The following CDH18 variants were observed in gnomAD, a reference collection of about 807,000 sequenced individuals.
CDH18 encodes cadherin 18, also known as cadherin-18.
Under a neutral mutation model 67.9 loss-of-function variants are expected in CDH18, and 31 were observed. That is an observed-to-expected ratio of 0.46 (90% CI 0.34 to 0.62). The LOEUF is 0.62. CDH18 is among the 20% of genes least tolerant of loss of function. CDH18 has a pLI of 0.01. For missense variants in CDH18, 890 were observed against 975.5 expected, an observed-to-expected ratio of 0.91 and a Z score of 1.17; for synonymous variants, 362 against 347.2, an observed-to-expected ratio of 1.04 and a Z score of -0.48.
intron 1 of CDH18, among the ~76,000 whole-genome samples, chr5:20,538,903 TTTTTTG>T (rs1210483295): frequency 0.01 from 1,345 of 129,174 alleles, 14 homozygotes; most frequent in African/African-American, 0.041. Flanking sequence ...CAACTGTTTT[TTTTTTG>T]TTTTTTTTTT....
intron 5 of CDH18, among the ~76,000 whole-genome samples, chr5:19,665,114 G>A (rs1401632430): frequency 6.6e-6 from 1 of 151,644 alleles, no homozygotes; most frequent in Non-Finnish European, 1.5e-5. Flanking sequence ...AAAATGTTTA[G>A]AAAAAAATTA....
intron 10 of CDH18, 150 bp downstream of exon 10, chr5:19,520,507 T>C: frequency 1.6e-6 from 1 of 621,790 alleles, no homozygotes. Flanking sequence ...CCAAAAATTA[T>C]TTGGTACTTA....
At chr5:19,526,155 C>A (rs551200461) in intron 9 of CDH18, among the ~76,000 whole-genome samples, 8 of 152,116 alleles carry the variant, frequency 5.3e-5, no homozygotes, top group African/African-American at 1.9e-4. Flanking sequence ...TTTTGAGAAA[C>A]AATTAACGGT....
At chr5:19,973,549 AG>A (rs1330982680) in intron 2 of CDH18, among the ~76,000 whole-genome samples, 1 of 152,180 alleles carries the variant, frequency 6.6e-6, no homozygotes, top group Non-Finnish European at 1.5e-5. Context: ...GTGAGAAAAA[AG>A]GAAAGGAATA....
chr5:20,555,446 T>TTTTTC (rs754106341), intron 1 of CDH18, among the ~76,000 whole-genome samples: 1 of 107,490 alleles, frequency 9.3e-6, no homozygotes, highest in African/African-American at 4.5e-5. Context: ...TTTTTTTTTT[T>TTTTTC]TTTTCTTTTT....
upstream of CDH18, among the ~76,000 whole-genome samples, chr5:19,990,916 A>T (rs566914596): frequency 1.4e-4 from 21 of 152,328 alleles, no homozygotes; most frequent in South Asian, 4.4e-3. Context: ...ACAGTGTATC[A>T]ATCACCAGAA....
At chr5:19,670,705 A>T (rs1758624144) in intron 5 of CDH18, among the ~76,000 whole-genome samples, 1 of 152,114 alleles carries the variant, frequency 6.6e-6, no homozygotes, top group African/African-American at 2.4e-5. Context: ...ACCAGGTAAG[A>T]TGAATTCAGG....
At chr5:19,631,836 C>A (rs1242230701) in intron 5 of CDH18, among the ~76,000 whole-genome samples, 2 of 152,046 alleles carry the variant, frequency 1.3e-5, no homozygotes, top group Non-Finnish European at 2.9e-5. Context: ...TTTTACTTGG[C>A]AATTCCACTT....
At chr5:20,165,410 T>G (rs1271532974) in intron 2 of CDH18, among the ~76,000 whole-genome samples, 1 of 152,102 alleles carries the variant, frequency 6.6e-6, no homozygotes. Context: ...CGGATAACTT[T>G]ACTAACAATC....
At chr5:20,212,846 C>T in intron 2 of CDH18, among the ~76,000 whole-genome samples, 1 of 152,038 alleles carries the variant, frequency 6.6e-6, no homozygotes, top group East Asian at 1.9e-4. Context: ...TAGATTTTGC[C>T]TTAAGGGAAT....
intron 1 of CDH18, among the ~76,000 whole-genome samples, chr5:20,288,860 ATACC>A (rs1485415954): frequency 1.3e-5 from 2 of 151,986 alleles, no homozygotes; most frequent in African/African-American, 4.8e-5. Context: ...TATTTTTAAA[ATACC>A]TACAGTTAAG....
intron 2 of CDH18, among the ~76,000 whole-genome samples, chr5:20,076,101 AT>A (rs1312928980): frequency 6.6e-6 from 1 of 152,168 alleles, no homozygotes; most frequent in Non-Finnish European, 1.5e-5. Flanking sequence ...ATAAATAAAA[AT>A]ATCTAAAACT....
chr5:19,745,944 T>C (rs1289671339), intron 4 of CDH18, among the ~76,000 whole-genome samples: 2 of 151,944 alleles, frequency 1.3e-5, no homozygotes, highest in Admixed American at 1.3e-4. Context: ...CACATATATA[T>C]ATTTCAAATT....
chr5:20,185,046 C>T (rs767456753), intron 2 of CDH18, among the ~76,000 whole-genome samples: 7 of 151,996 alleles, frequency 4.6e-5, no homozygotes, highest in Non-Finnish European at 4.4e-5. Flanking sequence ...GCTATATTTC[C>T]GTCTCAGTTT....
chr5:19,883,121 C>G (rs1157371370), intron 2 of CDH18, among the ~76,000 whole-genome samples: 1 of 152,152 alleles, frequency 6.6e-6, no homozygotes, highest in Non-Finnish European at 1.5e-5. Flanking sequence ...AATGCTGGCT[C>G]GAGAGCACTG....
At chr5:19,649,137 A>G (rs1005137827) in intron 5 of CDH18, among the ~76,000 whole-genome samples, 2 of 152,154 alleles carry the variant, frequency 1.3e-5, no homozygotes, top group Non-Finnish European at 2.9e-5. Flanking sequence ...ATAAAGATTA[A>G]TATTAAACCA....
intron 3 of CDH18, among the ~76,000 whole-genome samples, chr5:19,822,284 A>G (rs967571528): frequency 2.0e-5 from 3 of 152,184 alleles, no homozygotes; most frequent in Non-Finnish European, 4.4e-5. Context: ...AAAATCTGTC[A>G]TGTAAATGGA....
intron 1 of CDH18, among the ~76,000 whole-genome samples, chr5:20,538,372 A>G (rs1756846763): frequency 6.6e-6 from 1 of 152,184 alleles, no homozygotes; most frequent in African/African-American, 2.4e-5. Context: ...TCATCTATTT[A>G]TCTTATGATT....
chr5:19,687,892 C>G (rs1273400608), intron 5 of CDH18, among the ~76,000 whole-genome samples: 1 of 152,182 alleles, frequency 6.6e-6, no homozygotes, highest in Non-Finnish European at 1.5e-5. Flanking sequence ...CCTGCCACAG[C>G]TGATACCCAT....
Sources: allele counts gnomAD v4.1 joint callset (sites outside exome capture counted in the v4.1 genomes callset), GRCh38; gene constraint gnomAD v4.1.1; transcripts MANE v1.5; gene names NCBI Gene and HGNC (gene_info 2026-07-23, HGNC 2026-07-21).